Variants in PLS1 observed in about 807,000 individuals in gnomAD.
The protein encoded by PLS1 is plastin-1.
A neutral mutation model predicts 73.7 loss-of-function variants in PLS1; 32 were observed. The observed-to-expected ratio is 0.43, with a 90% confidence interval of 0.33 to 0.58. PLS1 has a LOEUF of 0.58. PLS1 is among the 20% of genes least tolerant of loss of function. PLS1 has a pLI of 0.04. For missense variants in PLS1, 633 were observed against 740.5 expected, an observed-to-expected ratio of 0.85 and a Z score of 1.68; for synonymous variants, 217 against 261.3, an observed-to-expected ratio of 0.83 and a Z score of 1.63.
chr3:142,685,119 A>G (rs1342921875), intron 8 of PLS1, among the ~76,000 whole-genome samples: 1 of 151,742 alleles, frequency 6.6e-6, no homozygotes, highest in Non-Finnish European at 1.5e-5. Context: ...ATAATGGCCT[A>G]CAGGACAGTC....
chr3:142,695,918 C>G (rs942554501), intron 11 of PLS1, among the ~76,000 whole-genome samples: 1 of 152,070 alleles, frequency 6.6e-6, no homozygotes, highest in African/African-American at 2.4e-5. Context: ...CCTCAGCCTC[C>G]CAAGTAGCTG....
chr3:142,607,739 A>G (rs1056569620), intron 1 of PLS1, among the ~76,000 whole-genome samples: 3 of 152,108 alleles, frequency 2.0e-5, no homozygotes. Context: ...ACCACATGAC[A>G]TTTAGTTACT....
At chr3:142,616,208 C>T (rs527389052) in intron 1 of PLS1, among the ~76,000 whole-genome samples, 130 of 152,196 alleles carry the variant, frequency 8.5e-4, no homozygotes, top group Non-Finnish European at 1.1e-3. Context: ...GATAATCCTG[C>T]CCTGTAGTCT....
At position 142,710,997 on chromosome 3, in the gene PLS1, C is replaced by T. The variant is rs115682266; in HGVS notation, c.1630-504C>T. ...CTTCATCTTTTTTTAAAAAAGAATT[C>T]CTTTACTATCAAGATGCTAGGGTTT... is the stretch of plus-strand genomic sequence containing the variant. On this transcript the variant is annotated intron_variant, in intron 14 of 15. Transcript: ENST00000457734. Among the ~76,000 whole-genome samples, 442 of 152,064 alleles carry T rather than the reference C, an allele frequency of 2.9e-3. 5 individuals carry two copies. The highest frequency in any genetic ancestry group is 9.7e-3 in the African/African-American group (403 of 41,480).
chr3:142,697,993 A>T lies in PLS1; in HGVS notation c.1297A>T (p.Met433Leu). The change falls in exon 12 of 16, where the codon ATG becomes TTG. Residue 433 changes from methionine (M) to leucine (L), a missense_variant. Transcript: ENST00000457734. ...DALVIFQLYE[M>L]IRVPVNWSHV... The stretch of plus-strand genomic sequence containing the variant: ...TTTAGTGATCTTTCAGCTCTATGAG[A>T]TGATCCGAGTGCCAGTCAACTGGAG... 6.2e-7 allele frequency: 1 copy of T among 1,613,216 alleles called. No homozygotes were observed. The highest frequency in any genetic ancestry group is 8.5e-7 in the Non-Finnish European group (1 of 1,179,204).
Position 142,664,183 on chromosome 3 carries a change from A to G in PLS1, c.-36-19A>G, listed in dbSNP as rs2107827105. 2.1e-6 allele frequency: 2 copies of G among 966,214 alleles called. No individual in the cohort carries two copies. Among genetic ancestry groups the G allele is most frequent in the East Asian group, 2.4e-5 (1 of 41,070 alleles). 59.9% of individuals were successfully genotyped at this position (966,214 alleles called of 1,614,324 possible). A position where few individuals can be genotyped will look rare whatever the true frequency, so the allele number is the denominator to read the frequency against. ...TTTCCAAAGGCTTCATGCTTTTTTT[A>G]TAATATTGCTTTTTCTAGATATAAA... On this transcript the variant is annotated intron_variant, in intron 1 of 15. Coordinates refer to ENST00000457734, the MANE Select transcript of PLS1 (RefSeq NM_001145319.2).
chr3:142,602,207 G>A (rs2035939914), intron 1 of PLS1, among the ~76,000 whole-genome samples: 1 of 150,346 alleles, frequency 6.7e-6, no homozygotes, highest in Non-Finnish European at 1.5e-5. Flanking sequence ...CACCATTAAA[G>A]CCACTTCTGA....
At chr3:142,608,695 A>G (rs2036068149) in intron 1 of PLS1, among the ~76,000 whole-genome samples, 1 of 152,172 alleles carries the variant, frequency 6.6e-6, no homozygotes, top group Non-Finnish European at 1.5e-5. Flanking sequence ...ATCTTACTGG[A>G]TATTTTTACT....
At chr3:142,647,880 G>T (rs747404050) in intron 1 of PLS1, among the ~76,000 whole-genome samples, 1 of 152,024 alleles carries the variant, frequency 6.6e-6, no homozygotes, top group Non-Finnish European at 1.5e-5. Context: ...CATTTTGAGA[G>T]CTGACTCTCT....
intron 1 of PLS1, among the ~76,000 whole-genome samples, chr3:142,611,123 T>C (rs990101073): frequency 6.6e-6 from 1 of 152,242 alleles, no homozygotes; most frequent in Non-Finnish European, 1.5e-5. Context: ...TGTTAATTTC[T>C]TGTAATTTTC....
chr3:142,614,058 T>TA (rs963173477), intron 1 of PLS1, among the ~76,000 whole-genome samples: 4 of 152,224 alleles, frequency 2.6e-5, no homozygotes, highest in African/African-American at 9.6e-5. Context: ...CTAGAAATGT[T>TA]AAAAAGAGGA....
intron 1 of PLS1, among the ~76,000 whole-genome samples, chr3:142,622,298 T>A (rs963302480): frequency 2.0e-5 from 3 of 152,226 alleles, no homozygotes; most frequent in African/African-American, 7.2e-5. Flanking sequence ...CCATTTAAAG[T>A]GGACAGCCGG....
At chr3:142,710,481 A>T (rs1321631795) in intron 14 of PLS1, among the ~76,000 whole-genome samples, 1 of 152,106 alleles carries the variant, frequency 6.6e-6, no homozygotes, top group East Asian at 1.9e-4. Flanking sequence ...TAATGCAGAG[A>T]TACACTGTAT....
chr3:142,664,002 T>A (rs965602890), intron 1 of PLS1, 200 bp from the exon 2 acceptor site: 8 of 281,130 alleles, frequency 2.8e-5, no homozygotes, highest in African/African-American at 1.8e-4. Context: ...TAGGTGTTTC[T>A]TCCCCTTACT....
At chr3:142,667,464 T>G (rs527274026) in intron 2 of PLS1, among the ~76,000 whole-genome samples, 2 of 151,864 alleles carry the variant, frequency 1.3e-5, no homozygotes, top group East Asian at 3.9e-4. Flanking sequence ...CCACTGCACT[T>G]CAGCCTGGCG....
intron 4 of PLS1, among the ~76,000 whole-genome samples, chr3:142,674,798 G>T (rs192361854): frequency 6.6e-6 from 1 of 152,052 alleles, no homozygotes; most frequent in East Asian, 1.9e-4. Flanking sequence ...GCGTGATCTC[G>T]GCTCACTGCA....
chr3:142,647,166 G>A (rs537685952), intron 1 of PLS1, among the ~76,000 whole-genome samples: 5 of 152,074 alleles, frequency 3.3e-5, no homozygotes, highest in Non-Finnish European at 7.4e-5. Context: ...AAAGACTAAC[G>A]GAAAATTAAA....
At chr3:142,629,111 G>C (rs1291212172) in intron 1 of PLS1, among the ~76,000 whole-genome samples, 1 of 152,126 alleles carries the variant, frequency 6.6e-6, no homozygotes, top group African/African-American at 2.4e-5. Context: ...TACTGGGCAA[G>C]TTAGTTAACC....
intron 1 of PLS1, among the ~76,000 whole-genome samples, chr3:142,637,864 C>T (rs1285805664): frequency 1.3e-5 from 2 of 151,808 alleles, no homozygotes; most frequent in Non-Finnish European, 2.9e-5. Context: ...CCCGCCCCCT[C>T]TCTCTCTCTA....
Sources: gnomAD v4.1 joint callset for allele counts (sites outside exome capture counted in the v4.1 genomes callset) on GRCh38, gnomAD v4.1.1 for gene constraint, MANE v1.5 for transcripts, NCBI Gene and HGNC (gene_info 2026-07-23, HGNC 2026-07-21) for gene names.